The following OLFML1 variants were observed in gnomAD, a reference collection of about 807,000 sequenced individuals.
The protein encoded by OLFML1 is olfactomedin-like protein 1.
OLFML1 carries 33 observed loss-of-function variants against 37.3 expected under a neutral mutation model. That is an observed-to-expected ratio of 0.88 (90% CI 0.67 to 1.18). OLFML1 has a LOEUF of 1.18. OLFML1 is among the 50% of genes most tolerant of loss of function. The probability of loss-of-function intolerance (pLI) is 0.00; values close to 1 mark genes in which losing one functional copy is unlikely to be tolerated. For synonymous variants in OLFML1, 186 were observed against 181.3 expected (o/e 1.03, Z -0.21); for missense variants, 545 against 483.7 (o/e 1.13, Z -1.19).
In OLFML1 at chr11:7,488,277, C is replaced by A. The variant is rs537753861; in HGVS notation, c.280C>A (p.Arg94Ser). 5.6e-6 allele frequency: 9 copies of A among 1,613,896 alleles called. No homozygotes were observed. The change falls in exon 2 of 3, where the codon CGT becomes AGT. Residue 94 changes from arginine (R) to serine (S), a missense_variant. Coordinates refer to ENST00000329293, the MANE Select transcript of OLFML1 (RefSeq NM_198474.4). ...GGGTAACTTGGCACTGAGAGTTGAACGTGCCCAACGGGAGATTGACTACAT... is the reference window on the plus strand; with the variant it reads ...GGGTAACTTGGCACTGAGAGTTGAAAGTGCCCAACGGGAGATTGACTACAT... The part of the protein sequence containing the change: ...AVGNLALRVE[R>S]AQREIDYIQY...
At chr11:7,508,302 C>T (rs963274322) in intron 2 of OLFML1, among the ~76,000 whole-genome samples, 1 of 152,156 alleles carries the variant, frequency 6.6e-6, no homozygotes, top group Non-Finnish European at 1.5e-5. Flanking sequence ...GTCAACTGTA[C>T]TTTGCTTTAT....
chr11:7,492,069 T>C (rs1379340673), intron 2 of OLFML1, among the ~76,000 whole-genome samples: 1 of 152,222 alleles, frequency 6.6e-6, no homozygotes, highest in Admixed American at 6.5e-5. Context: ...TCACAGGTCC[T>C]GCCCACACTC....
intron 2 of OLFML1, among the ~76,000 whole-genome samples, chr11:7,489,764 G>C (rs2134175818): frequency 6.6e-6 from 1 of 152,232 alleles, no homozygotes; most frequent in Admixed American, 6.5e-5. Context: ...GAGTGAGAGA[G>C]ATGAGTCCAG....
intron 2 of OLFML1, among the ~76,000 whole-genome samples, chr11:7,507,207 A>G (rs1848796027): frequency 6.6e-6 from 1 of 151,918 alleles, no homozygotes; most frequent in African/African-American, 2.4e-5. Flanking sequence ...GAAAACTGTA[A>G]CTCCTTCGTT....
At chr11:7,494,737 C>T (rs1442798393) in intron 2 of OLFML1, among the ~76,000 whole-genome samples, 1 of 152,194 alleles carries the variant, frequency 6.6e-6, no homozygotes. Flanking sequence ...GTGAAGCCAT[C>T]TCCAGGACTG....
intron 2 of OLFML1, among the ~76,000 whole-genome samples, chr11:7,502,268 G>A (rs190253017): frequency 2.9e-4 from 44 of 152,352 alleles, no homozygotes; most frequent in African/African-American, 1.0e-3. Flanking sequence ...AGGAAGGGGA[G>A]AAAGGTAGCA....
At chr11:7,498,353 T>C (rs182269702) in intron 2 of OLFML1, among the ~76,000 whole-genome samples, 8 of 152,256 alleles carry the variant, frequency 5.3e-5, no homozygotes, top group Non-Finnish European at 8.8e-5. Flanking sequence ...AGTCTAAAAC[T>C]TGCGGGAAGC....
chr11:7,488,318 G>C lies in OLFML1; in HGVS notation c.321G>C (p.Glu107Asp), dbSNP rs780574613. The C allele has an allele frequency of 6.2e-7, 1 of 1,614,098 alleles. No homozygotes were observed. Residue 107 changes from glutamate to aspartate, a missense_variant, in exon 2 of 3, where the codon GAG becomes GAC. By Grantham distance (45) the Glu-to-Asp change is conservative. Transcript: ENST00000329293. ...REIDYIQYLR[E>D]ADECIESEDK... ...TTGACTACATACAATACCTTCGAGAGGCTGACGAGTGCATCGAATCAGAGG... is the reference window on the plus strand; with the variant it reads ...TTGACTACATACAATACCTTCGAGACGCTGACGAGTGCATCGAATCAGAGG...
chr11:7,488,513 G>A (rs1848555622), intron 2 of OLFML1, 98 bp downstream of exon 2: 1 of 963,074 alleles, frequency 1.0e-6, no homozygotes, highest in Non-Finnish European at 1.5e-6. Flanking sequence ...AGTAATGAGA[G>A]TAAGAATTGG....
chr11:7,509,858 T>G lies in OLFML1; in HGVS notation c.879T>G (p.Val293=). 7 of 1,614,234 alleles carry G rather than the reference T, an allele frequency of 4.3e-6. No individual in the cohort carries two copies. The highest frequency in any genetic ancestry group is 5.9e-6 in the Non-Finnish European group (7 of 1,180,036). The stretch of plus-strand genomic sequence containing the variant: ...GGCCAGGCACCCATAGCCATTTGGT[T>G]CTCACAAAGATTGAGCCGGGCACAC... The part of the protein sequence containing the change: ...HSGPGTHSHL[V]LTKIEPGTLG... The change falls in exon 3 of 3, where the codon GTT becomes GTG. Residue 293 remains valine, a synonymous_variant. Coordinates refer to ENST00000329293, the MANE Select transcript of OLFML1 (RefSeq NM_198474.4).
rs1564918199 is a variant in OLFML1, at chr11:7,485,977, C to T, written c.102C>T (p.Tyr34=). The T allele has an allele frequency of 6.2e-7, 1 of 1,614,062 alleles. No homozygotes were observed. The highest frequency in any genetic ancestry group is 8.5e-7 in the Non-Finnish European group (1 of 1,179,962). Residue 34 remains tyrosine, a synonymous_variant, in exon 1 of 3, where the codon TAC becomes TAT. Coordinates refer to ENST00000329293, the MANE Select transcript of OLFML1 (RefSeq NM_198474.4). ...QCTQDPAMVH[Y]IYQRFRVLEQ... ...CCCAGGACCCAGCCATGGTGCATTACATCTACCAGCGCTTTCGAGTCTTGG... is the reference window on the plus strand; with the variant it reads ...CCCAGGACCCAGCCATGGTGCATTATATCTACCAGCGCTTTCGAGTCTTGG...
At chr11:7,499,332 G>C (rs3923014) in intron 2 of OLFML1, among the ~76,000 whole-genome samples, 1 of 152,114 alleles carries the variant, frequency 6.6e-6, no homozygotes, top group Non-Finnish European at 1.5e-5. Flanking sequence ...ATCTTGGCTG[G>C]ACCCAAAGGT....
At position 7,509,464 on chromosome 11, in the gene OLFML1, G is replaced by A; in HGVS notation, c.485G>A (p.Gly162Asp). Residue 162 changes from glycine to aspartate, a missense_variant, in exon 3 of 3, where the codon GGC (glycine) becomes GAC (aspartate). Transcript: ENST00000329293. ...GTGAAGAAGATGATGGACACACATGGCTCTTGGATGAAAGATGCTGTCTAT... is the reference window on the plus strand; with the variant it reads ...GTGAAGAAGATGATGGACACACATGACTCTTGGATGAAAGATGCTGTCTAT... Reference protein sequence around the residue: ...KIVKKMMDTHGSWMKDAVYNS... With the variant: ...KIVKKMMDTHDSWMKDAVYNS... 1 of 1,613,980 alleles carries A rather than the reference G, an allele frequency of 6.2e-7. No individual in the cohort carries two copies. The highest frequency in any genetic ancestry group is 8.5e-7 in the Non-Finnish European group (1 of 1,179,928).
intron 2 of OLFML1, among the ~76,000 whole-genome samples, chr11:7,496,136 G>A (rs923905923): frequency 1.3e-5 from 2 of 152,226 alleles, no homozygotes; most frequent in Non-Finnish European, 2.9e-5. Context: ...GATGACTTCA[G>A]CTGGGGTGAC....
intron 2 of OLFML1, among the ~76,000 whole-genome samples, chr11:7,499,240 G>A (rs1268895768): frequency 6.6e-6 from 1 of 152,224 alleles, no homozygotes; most frequent in Non-Finnish European, 1.5e-5. Flanking sequence ...CTGCAATTCT[G>A]CCTGAGGGGG....
At chr11:7,489,511 G>A (rs1848569909) in intron 2 of OLFML1, among the ~76,000 whole-genome samples, 1 of 151,858 alleles carries the variant, frequency 6.6e-6, no homozygotes, top group African/African-American at 2.4e-5. Context: ...CATGCTAGAT[G>A]AAGGAAGTTG....
intron 2 of OLFML1, among the ~76,000 whole-genome samples, chr11:7,506,585 T>C (rs1400021100): frequency 6.6e-6 from 1 of 152,116 alleles, no homozygotes; most frequent in Non-Finnish European, 1.5e-5. Context: ...ACCAGTATGG[T>C]ATTTAGGGCT....
chr11:7,508,623 C>T (rs934445638), intron 2 of OLFML1, among the ~76,000 whole-genome samples: 3 of 152,194 alleles, frequency 2.0e-5, no homozygotes, highest in African/African-American at 7.2e-5. Flanking sequence ...GCTCATAATA[C>T]TTCGCTCATT....
intron 2 of OLFML1, among the ~76,000 whole-genome samples, chr11:7,490,679 A>T (rs1848584690): frequency 6.6e-6 from 1 of 152,134 alleles, no homozygotes. Flanking sequence ...AGATTGCTAC[A>T]TCCATGTCTG....
Sources: gnomAD v4.1 joint callset for allele counts (sites outside exome capture counted in the v4.1 genomes callset) on GRCh38, gnomAD v4.1.1 for gene constraint, MANE v1.5 for transcripts, NCBI Gene and HGNC (gene_info 2026-07-23, HGNC 2026-07-21) for gene names.